The following KPTN variants were observed in gnomAD, a reference collection of about 807,000 sequenced individuals.
The protein encoded by KPTN is KICSTOR complex protein kaptin.
KPTN carries 36 observed loss-of-function variants against 52.6 expected under a neutral mutation model. The observed-to-expected ratio is 0.68, with a 90% CI of 0.52 to 0.90. The LOEUF (loss-of-function observed/expected upper bound fraction) is 0.90. Among genes scored for constraint, KPTN ranks in the 40% least tolerant of loss-of-function variants. The pLI, the probability that KPTN is intolerant of heterozygous loss-of-function variation, is 0.00. For synonymous variants in KPTN, 271 were observed against 248.4 expected, an observed-to-expected ratio of 1.09 and a Z score of -0.85; for missense variants, 529 against 576.2, an observed-to-expected ratio of 0.92 and a Z score of 0.84.
In KPTN at chr19:47,480,364, G is replaced by T. The variant is rs1175302337; in HGVS notation, c.643C>A (p.Arg215Ser). The T allele has an allele frequency of 1.3e-6, 2 of 1,549,462 alleles. No homozygotes were observed. Among genetic ancestry groups the T allele is most frequent in the South Asian group, 2.4e-5 (2 of 83,900 alleles). The change falls in exon 7 of 12, where the codon CGC (arginine) becomes AGC (serine). Residue 215 changes from arginine to serine, a missense_variant. Arg to Ser is a moderately radical substitution (Grantham distance 110, BLOSUM62 -1). Coordinates refer to ENST00000338134, the MANE Select transcript of KPTN (RefSeq NM_007059.4). ...CTCTGACAGCCCAGAGCTGAGAGGC[G>T]CCGGGACGTGCCGGGGAAGTTGTGG... ...DVHNFPGTSR[R>S]LSALGCQSGY...
In KPTN at chr19:47,479,851, C is replaced by T; in HGVS notation, c.787+12G>A. 1 of 1,604,596 alleles carries T rather than the reference C, an allele frequency of 6.2e-7. No individual in the cohort carries two copies. Among genetic ancestry groups the T allele is most frequent in the Non-Finnish European group, 8.5e-7 (1 of 1,172,910 alleles). On this transcript the variant is annotated intron_variant, in intron 8 of 11. Coordinates refer to ENST00000338134, the MANE Select transcript of KPTN (RefSeq NM_007059.4). ...CCCGCTCTCTCCCCATCCCCTCAAA[C>T]CCAGAGCTCACCCTTGGCGGCCGAG...
intron 7 of KPTN, 71 bp from the exon 8 acceptor site, chr19:47,480,011 T>C (rs1599873716): frequency 9.3e-7 from 1 of 1,075,204 alleles, no homozygotes. Context: ...AACCATCGAC[T>C]TTCCGCCCCC....
intron 6 of KPTN, 137 bp downstream of exon 6, chr19:47,480,623 C>T (rs2072424973): frequency 2.3e-6 from 2 of 875,646 alleles, no homozygotes; most frequent in Non-Finnish European, 1.9e-6. Context: ...CCCTGCTGAT[C>T]AATTTCTCTG....
chr19:47,477,744 C>T lies in KPTN; in HGVS notation c.825G>A (p.Val275=). Residue 275 remains valine, a synonymous_variant, in exon 9 of 12, where the codon GTG becomes GTA. Transcript: ENST00000338134. ...CTGGCTCCAACATGCTGGCCACGAG[C>T]ACGCTGTACTCATCTTGTAGTGGCC... ...KDRPLQDEYS[V]LVASMLEPAV... is the part of the protein sequence containing the mutation. 1 of 1,613,802 alleles carries T rather than the reference C, an allele frequency of 6.2e-7. No homozygotes were observed. Among genetic ancestry groups the T allele is most frequent in the Non-Finnish European group, 8.5e-7 (1 of 1,179,730 alleles).
At chr19:47,483,683 G>A in intron 1 of KPTN, 99 bp from the exon 2 acceptor site, 2 of 986,016 alleles carry the variant, frequency 2.0e-6, no homozygotes, top group Non-Finnish European at 3.1e-6. Flanking sequence ...ATGCCCTCTG[G>A]TCTGAGTCCT....
chr19:47,479,078 C>T (rs1429881408), intron 8 of KPTN, among the ~76,000 whole-genome samples: 1 of 152,152 alleles, frequency 6.6e-6, no homozygotes, highest in African/African-American at 2.4e-5. Context: ...AGCCTGGCTC[C>T]GCCACCCAGG....
chr19:47,476,913 C>T lies in KPTN; in HGVS notation c.889G>A (p.Asp297Asn). 2 of 1,558,808 alleles carry T rather than the reference C, an allele frequency of 1.3e-6. No homozygotes were observed. The highest frequency in any genetic ancestry group is 1.4e-5 in the African/African-American group (1 of 73,638). ...YRDLLNRGLE[D>N]QLLLPGSDQF... is the part of the protein sequence containing the mutation. ...TCACTGCCGGGCAGGAGAAGCTGGT[C>T]TTCAAGACCCCGGTTCAGCAGGTCC... is the stretch of plus-strand genomic sequence containing the variant. The change falls in exon 10 of 12, where the codon GAC becomes AAC. Residue 297 changes from aspartate (D) to asparagine (N), a missense_variant. By Grantham distance (23) the Asp-to-Asn change is conservative (BLOSUM62 1). Transcript: ENST00000338134.
intron 11 of KPTN, 31 bp downstream of exon 11, chr19:47,476,501 A>G: frequency 1.3e-6 from 2 of 1,555,852 alleles, no homozygotes; most frequent in Non-Finnish European, 1.7e-6. Flanking sequence ...GCTGAGGTCG[A>G]CTCCCCTCCC....
chr19:47,476,415 T>C (rs1216523366), intron 11 of KPTN, 117 bp downstream of exon 11: 1 of 742,122 alleles, frequency 1.3e-6, no homozygotes, highest in Non-Finnish European at 2.0e-6. Context: ...GGAGTTGTCC[T>C]GACTGGTAGG....
intron 6 of KPTN, 41 bp downstream of exon 6, chr19:47,480,719 G>A: frequency 6.3e-7 from 1 of 1,575,446 alleles, no homozygotes; most frequent in Non-Finnish European, 8.7e-7. Flanking sequence ...TCTGATGTCA[G>A]TGCCCCGGTC....
chr19:47,479,950 G>A lies in KPTN; in HGVS notation c.710-10C>T, dbSNP rs760426689. The A allele has an allele frequency of 6.2e-7, 1 of 1,609,312 alleles. No homozygotes were observed. The highest frequency in any genetic ancestry group is 8.5e-7 in the Non-Finnish European group (1 of 1,177,924). On this transcript the variant is annotated splice_polypyrimidine_tract_variant and intron_variant, in intron 7 of 11. Coordinates refer to ENST00000338134, the MANE Select transcript of KPTN (RefSeq NM_007059.4). Reference sequence around the variant, plus strand: ...CACATCTGCAGAACCTCTGCGTGGAGAGCGAGGATTCAGAGCCCCAACCCC... The same window carrying A: ...CACATCTGCAGAACCTCTGCGTGGAAAGCGAGGATTCAGAGCCCCAACCCC...
Position 47,475,542 on chromosome 19 carries a change from G to C in KPTN, c.1185C>G (p.His395Gln). Residue 395 changes from histidine (H) to glutamine (Q), a missense_variant and splice_region_variant, in exon 12 of 12, where the codon CAC becomes CAG. His to Gln is a conservative substitution (Grantham distance 24, BLOSUM62 0). Transcript: ENST00000338134. Reference sequence around the variant, plus strand: ...CCAGCTCTGAGGCCTGAATCAGGCTGTGCTGTGGGGAACAAGAGAATGAGG... The same window carrying C: ...CCAGCTCTGAGGCCTGAATCAGGCTCTGCTGTGGGGAACAAGAGAATGAGG... ...VSLKGVHILQ[H>Q]SLIQASELVL... is the part of the protein sequence containing the mutation. The C allele has an allele frequency of 6.2e-7, 1 of 1,612,270 alleles. No homozygotes were observed. Among genetic ancestry groups the C allele is most frequent in the Non-Finnish European group, 8.5e-7 (1 of 1,178,614 alleles).
In KPTN at chr19:47,480,800, C is replaced by G; in HGVS notation, c.559G>C (p.Val187Leu). ...GTCAGCTCTGGGAAGAGGTTTTCCA[C>G]GGGCTGTTCCTCAAACTGATGCAGC... is the stretch of plus-strand genomic sequence containing the variant. ...EGLHQFEEQPVENLFPELTNL... is the reference protein window; with the variant it reads ...EGLHQFEEQPLENLFPELTNL... Residue 187 changes from valine (V) to leucine (L), a missense_variant, in exon 6 of 12, where the codon GTG (valine) becomes CTG (leucine). By Grantham distance (32) the Val-to-Leu change is conservative (BLOSUM62 1). Coordinates refer to ENST00000338134, the MANE Select transcript of KPTN (RefSeq NM_007059.4). 6.2e-7 allele frequency: 1 copy of G among 1,614,092 alleles called. No individual in the cohort carries two copies. Among genetic ancestry groups the G allele is most frequent in the Non-Finnish European group, 8.5e-7 (1 of 1,180,014 alleles).
At chr19:47,482,012 G>A (rs1374945931) in intron 4 of KPTN, among the ~76,000 whole-genome samples, 2 of 152,188 alleles carry the variant, frequency 1.3e-5, no homozygotes, top group African/African-American at 2.4e-5. Flanking sequence ...TAGAGCCTAC[G>A]ACTCTAGAAA....
chr19:47,478,567 T>TAAAA (rs757744803), intron 8 of KPTN, among the ~76,000 whole-genome samples: 13 of 66,234 alleles, frequency 2.0e-4, no homozygotes, highest in African/African-American at 2.9e-4. Flanking sequence ...AGACTCTGTC[T>TAAAA]AAAAAAAAAA....
rs746903629 is a variant in KPTN, at chr19:47,476,851, A to G, written c.951T>C (p.Asp317=). ...FDSVLCSLVT[D]VDLDGRPEVL... is the part of the protein sequence containing the mutation. Reference sequence around the variant, plus strand: ...CTTCTGGCCGCCCATCCAAATCCACATCGGTGACCAGGCTGCAGAGGACGC... The same window carrying G: ...CTTCTGGCCGCCCATCCAAATCCACGTCGGTGACCAGGCTGCAGAGGACGC... Residue 317 remains aspartate (D), a synonymous_variant, in exon 10 of 12, where the codon GAT becomes GAC. Coordinates refer to ENST00000338134, the MANE Select transcript of KPTN (RefSeq NM_007059.4). 1 of 1,577,000 alleles carries G rather than the reference A, an allele frequency of 6.3e-7. No homozygotes were observed. The highest frequency in any genetic ancestry group is 8.6e-7 in the Non-Finnish European group (1 of 1,160,850).
Position 47,483,539 on chromosome 19 carries a change from G to T in KPTN, c.272C>A (p.Pro91His). ...GATCCCCACAACCAGACCCCGCTTG[G>T]GGGGTGACTTGTTGAAAGTGTCGAT... ...VSIDTFNKSP[P>H]KRGLVVGITF... The change falls in exon 2 of 12, where the codon CCC (proline) becomes CAC (histidine). Residue 91 changes from proline (P) to histidine (H), a missense_variant. Coordinates refer to ENST00000338134, the MANE Select transcript of KPTN (RefSeq NM_007059.4). 6.3e-7 allele frequency: 1 copy of T among 1,579,558 alleles called. No homozygotes were observed. The highest frequency in any genetic ancestry group is 8.6e-7 in the Non-Finnish European group (1 of 1,162,130).
At position 47,480,345 on chromosome 19, in the gene KPTN, C is replaced by T. The variant is rs1350032875; in HGVS notation, c.662G>A (p.Cys221Tyr). ...GTSRRLSALG[C>Y]QSGYVRVAHV... ...GGCGACACGGACATAACCACTCTGA[C>T]AGCCCAGAGCTGAGAGGCGCCGGGA... Residue 221 changes from cysteine (C) to tyrosine (Y), a missense_variant, in exon 7 of 12, where the codon TGT becomes TAT. Cys to Tyr is a radical substitution (Grantham distance 194). Transcript: ENST00000338134. The T allele has an allele frequency of 1.3e-6, 2 of 1,549,306 alleles. No individual in the cohort carries two copies. The highest frequency in any genetic ancestry group is 1.7e-6 in the Non-Finnish European group (2 of 1,146,334).
intron 4 of KPTN, among the ~76,000 whole-genome samples, chr19:47,482,087 GCAGAATTCC>G (rs1235984721): frequency 6.6e-6 from 1 of 152,212 alleles, no homozygotes; most frequent in Admixed American, 6.5e-5. Context: ...TTCTAGATGT[GCAGAATTCC>G]CAGAATTCAC....
Sources: allele counts gnomAD v4.1 joint callset (sites outside exome capture counted in the v4.1 genomes callset), GRCh38; gene constraint gnomAD v4.1.1; transcripts MANE v1.5; gene names NCBI Gene and HGNC (gene_info 2026-07-23, HGNC 2026-07-21).